The following PRKG1 variants were observed in gnomAD, a reference collection of about 807,000 sequenced individuals.
PRKG1 encodes cGMP-dependent protein kinase 1.
A neutral mutation model predicts 88.1 loss-of-function variants in PRKG1; 35 were observed. The ratio of observed to expected loss-of-function variants is 0.40; its 90% CI spans 0.30 to 0.53. PRKG1 has a LOEUF of 0.53. Among genes scored for constraint, PRKG1 ranks in the 20% least tolerant of loss-of-function variants. PRKG1 has a pLI of 0.59. For missense variants in PRKG1, 540 were observed against 839.8 expected (o/e 0.64, Z 4.41); for synonymous variants, 303 against 292.5 (o/e 1.04, Z -0.37).
chr10:52,288,404 C>A (rs1842168350), intron 14 of PRKG1, among the ~76,000 whole-genome samples: 1 of 151,988 alleles, frequency 6.6e-6, no homozygotes, highest in Non-Finnish European at 1.5e-5. Flanking sequence ...CAAGTATAAT[C>A]AATGAGTCAG....
chr10:51,861,689 T>C (rs2186149), intron 4 of PRKG1, among the ~76,000 whole-genome samples: 12,306 of 152,246 alleles, frequency 0.081, 593 homozygotes, highest in Middle Eastern at 0.12. Context: ...AAAATAGAAA[T>C]CTTTACGAGT....
intron 1 of PRKG1, among the ~76,000 whole-genome samples, chr10:51,034,111 A>G (rs1252892119): frequency 1.3e-5 from 2 of 152,210 alleles, no homozygotes; most frequent in African/African-American, 4.8e-5. Flanking sequence ...ACATTTGGAC[A>G]TTACAGTTAT....
At position 51,195,267 on chromosome 10, in the gene PRKG1, G is replaced by A. The variant is rs576105109; in HGVS notation, c.478+41937G>A. On this transcript the variant is annotated intron_variant, in intron 2 of 17. Transcript: ENST00000373980. The stretch of plus-strand genomic sequence containing the variant: ...TATGCTTATTTTAGTTATATTTGTG[G>A]TATAATGAAGTATCTTTGAATTGGA... 3.4e-4 allele frequency among the ~76,000 whole-genome samples: 52 copies of A among 152,278 alleles called. No homozygotes were observed. The South Asian group carries it at 0.01, about 30-fold the overall frequency.
rs1838290438 is a variant in PRKG1, at chr10:52,162,047, C to T, written c.1076+84C>T. ...AAATATTTTGTTGGACTTGACACATCCCAACACTCTGACAGGAAACAACTA... is the reference window on the plus strand; with the variant it reads ...AAATATTTTGTTGGACTTGACACATTCCAACACTCTGACAGGAAACAACTA... On this transcript the variant is annotated intron_variant, in intron 9 of 17. Coordinates refer to ENST00000373980, the MANE Select transcript of PRKG1 (RefSeq NM_006258.4). 3.5e-6 allele frequency: 4 copies of T among 1,152,770 alleles called. No individual in the cohort carries two copies. The South Asian group carries it at 5.2e-5, about 15-fold the overall frequency. 71.4% of individuals were successfully genotyped at this position (1,152,770 alleles called of 1,614,324 possible). A position where few individuals can be genotyped will look rare whatever the true frequency, so the allele number is the denominator to read the frequency against.
At chr10:51,954,935 T>C (rs541133405) in intron 5 of PRKG1, among the ~76,000 whole-genome samples, 12 of 152,288 alleles carry the variant, frequency 7.9e-5, no homozygotes, top group African/African-American at 2.9e-4. Flanking sequence ...TGCTATCTTT[T>C]ATTGTTTCTC....
intron 1 of PRKG1, among the ~76,000 whole-genome samples, chr10:51,101,861 G>A (rs972879642): frequency 2.6e-5 from 4 of 152,184 alleles, no homozygotes; most frequent in Admixed American, 6.5e-5. Flanking sequence ...TGGGCCTGGG[G>A]TAAAATTGAG....
chr10:51,646,713 C>T (rs1317560701), intron 3 of PRKG1, among the ~76,000 whole-genome samples: 7 of 151,784 alleles, frequency 4.6e-5, no homozygotes, highest in Admixed American at 2.0e-4. Flanking sequence ...TTTGTATCTC[C>T]ATGTATTTTT....
chr10:51,083,510 TAC>T (rs1404658379), intron 1 of PRKG1, among the ~76,000 whole-genome samples: 2 of 60,740 alleles, frequency 3.3e-5, no homozygotes, highest in Non-Finnish European at 5.9e-5. Flanking sequence ...TGCAGCCAGC[TAC>T]AGTTTTTTTT....
intron 3 of PRKG1, among the ~76,000 whole-genome samples, chr10:51,572,115 A>C (rs1837772158): frequency 6.6e-6 from 1 of 151,854 alleles, no homozygotes; most frequent in South Asian, 2.1e-4. Flanking sequence ...TTCAAAAAGC[A>C]ATTTGCTTTA....
chr10:51,595,588 C>T (rs1002666500), intron 3 of PRKG1, among the ~76,000 whole-genome samples: 4 of 151,554 alleles, frequency 2.6e-5, no homozygotes, highest in Non-Finnish European at 5.9e-5. Context: ...TGAGATTGTG[C>T]CACTGCAGTC....
At chr10:51,095,252 A>G (rs577532619) in intron 1 of PRKG1, among the ~76,000 whole-genome samples, 55 of 152,210 alleles carry the variant, frequency 3.6e-4, no homozygotes, top group African/African-American at 1.1e-3. Flanking sequence ...ATGCTTCTAA[A>G]TTATTGGCCT....
chr10:51,538,269 C>T (rs1323789308), intron 3 of PRKG1, among the ~76,000 whole-genome samples: 1 of 151,710 alleles, frequency 6.6e-6, no homozygotes, highest in Non-Finnish European at 1.5e-5. Flanking sequence ...ACAAAAGATA[C>T]TCCTCCCAAA....
At chr10:51,705,204 C>G (rs1396602846) in intron 3 of PRKG1, among the ~76,000 whole-genome samples, 1 of 152,000 alleles carries the variant, frequency 6.6e-6, no homozygotes, top group Admixed American at 6.6e-5. Flanking sequence ...TCTTTCTGTT[C>G]TTCAATGCTC....
intron 1 of PRKG1, among the ~76,000 whole-genome samples, chr10:51,086,081 G>T (rs1226749338): frequency 2.6e-5 from 4 of 152,234 alleles, no homozygotes; most frequent in Non-Finnish European, 5.9e-5. Context: ...TGGAAAAAAA[G>T]GAACTAAGCG....
intron 4 of PRKG1, among the ~76,000 whole-genome samples, chr10:51,841,765 C>T (rs980695873): frequency 3.3e-5 from 5 of 152,148 alleles, no homozygotes; most frequent in African/African-American, 2.4e-5. Flanking sequence ...TCCCTGCCAC[C>T]TCTGCCTCCC....
intron 2 of PRKG1, among the ~76,000 whole-genome samples, chr10:51,221,613 TAAA>T (rs566865643): frequency 2.4e-5 from 3 of 126,652 alleles, no homozygotes; most frequent in Non-Finnish European, 1.7e-5. Flanking sequence ...CAATGTGTTC[TAAA>T]AAAAAAAAAA....
At chr10:51,737,536 G>A (rs1231131629) in intron 3 of PRKG1, among the ~76,000 whole-genome samples, 2 of 151,908 alleles carry the variant, frequency 1.3e-5, no homozygotes, top group Admixed American at 6.6e-5. Flanking sequence ...CACTGGTGTC[G>A]AAGGAATGAC....
intron 3 of PRKG1, among the ~76,000 whole-genome samples, chr10:51,554,801 T>C (rs1018157918): frequency 6.6e-6 from 1 of 151,812 alleles, no homozygotes; most frequent in African/African-American, 2.4e-5. Context: ...AATCCATGAA[T>C]GGTAAAGAGT....
At chr10:51,123,389 T>C (rs1315967965) in intron 1 of PRKG1, among the ~76,000 whole-genome samples, 2 of 152,086 alleles carry the variant, frequency 1.3e-5, no homozygotes, top group African/African-American at 4.8e-5. Context: ...TGCGTTGCTA[T>C]AAATAAATAC....
Sources: gnomAD v4.1 joint callset for allele counts (sites outside exome capture counted in the v4.1 genomes callset) on GRCh38, gnomAD v4.1.1 for gene constraint, MANE v1.5 for transcripts, NCBI Gene and HGNC (gene_info 2026-07-23, HGNC 2026-07-21) for gene names.